The following ATG7 variants were observed in gnomAD, a reference collection of about 807,000 sequenced individuals.
The protein encoded by ATG7 is autophagy related 7, also known as ubiquitin-like modifier-activating enzyme ATG7.
A neutral mutation model predicts 82.4 loss-of-function variants in ATG7; 70 were observed. The observed-to-expected ratio is 0.85, with a 90% CI of 0.70 to 1.04. ATG7 has a LOEUF of 1.04. Among genes scored for constraint, ATG7 ranks in the 50% least tolerant of loss-of-function variants. The pLI, the probability that ATG7 is intolerant of heterozygous loss-of-function variation, is 0.00. For synonymous variants in ATG7, 287 were observed against 313.0 expected (o/e 0.92, Z 0.88); for missense variants, 792 against 864.3 (o/e 0.92, Z 1.05).
At chr3:11,561,571 C>T (rs917860294), downstream of ATG7, among the ~76,000 whole-genome samples, 1 of 152,204 alleles carries the variant, frequency 6.6e-6, no homozygotes, top group African/African-American at 2.4e-5. Flanking sequence ...GCATCTTGCC[C>T]CTGCCTCTGT....
chr3:11,575,234 G>A, the ATG7 span, among the ~76,000 whole-genome samples: 6 of 152,276 alleles, frequency 3.9e-5, no homozygotes, highest in African/African-American at 1.2e-4. Context: ...GAGGGAAGGC[G>A]GCCGCACTGA....
intron 20 of ATG7, among the ~76,000 whole-genome samples, chr3:11,514,812 G>T (rs2092212479): frequency 1.3e-5 from 2 of 151,452 alleles, no homozygotes; most frequent in Non-Finnish European, 2.9e-5. Context: ...AGGAGAAACT[G>T]CCAAGTTGCC....
intron 20 of ATG7, among the ~76,000 whole-genome samples, chr3:11,451,902 G>GACAC (rs750720833): frequency 2.4e-5 from 3 of 127,058 alleles, no homozygotes; most frequent in African/African-American, 8.9e-5. Context: ...CACACACACA[G>GACAC]ACACACACAC....
intron 20 of ATG7, among the ~76,000 whole-genome samples, chr3:11,502,241 TAC>T (rs1480437425): frequency 1.3e-5 from 2 of 151,836 alleles, no homozygotes; most frequent in African/African-American, 4.8e-5. Context: ...ATTATTATTA[TAC>T]TTTAAGTTTT....
At chr3:11,397,263 CTT>C (rs2079383532) in intron 19 of ATG7, among the ~76,000 whole-genome samples, 1 of 152,050 alleles carries the variant, frequency 6.6e-6, no homozygotes, top group East Asian at 1.9e-4. Context: ...TGAAAATAAA[CTT>C]AAATACCACA....
chr3:11,432,338 T>C (rs924772027), intron 20 of ATG7, among the ~76,000 whole-genome samples: 19 of 152,204 alleles, frequency 1.2e-4, no homozygotes, highest in Non-Finnish European at 2.5e-4. Context: ...AAAAAAATTT[T>C]AATGAGAAAT....
chr3:11,410,769 T>G (rs188787075), intron 19 of ATG7, among the ~76,000 whole-genome samples: 2 of 152,352 alleles, frequency 1.3e-5, no homozygotes, highest in Admixed American at 1.3e-4. Context: ...AATATTTCAT[T>G]GTATGTAGCA....
At chr3:11,391,745 T>C (rs2152872471) in intron 19 of ATG7, among the ~76,000 whole-genome samples, 1 of 152,234 alleles carries the variant, frequency 6.6e-6, no homozygotes, top group African/African-American at 2.4e-5. Context: ...TTGGCATCGT[T>C]TTATGGATGT....
chr3:11,450,880 A>G (rs2085051612), intron 20 of ATG7, among the ~76,000 whole-genome samples: 1 of 152,170 alleles, frequency 6.6e-6, no homozygotes, highest in South Asian at 2.1e-4. Flanking sequence ...AGTCTCTTCC[A>G]ATGAATGCCT....
chr3:11,289,863 T>G (rs1246064988), intron 3 of ATG7, among the ~76,000 whole-genome samples: 1 of 152,214 alleles, frequency 6.6e-6, no homozygotes, highest in East Asian at 1.9e-4. Context: ...CTGGGCCTTT[T>G]TTTTCTCTCT....
At chr3:11,565,641 C>T in the ATG7 span, among the ~76,000 whole-genome samples, 4 of 152,146 alleles carry the variant, frequency 2.6e-5, no homozygotes, top group Non-Finnish European at 5.9e-5. The surrounding 1 kb of genome is among the most constrained non-coding windows in gnomAD (Gnocchi z 4.1). Flanking sequence ...TGTAGGGAGC[C>T]GGCGCGCAGC....
At chr3:11,377,408 G>A (rs1359453745) in intron 18 of ATG7, among the ~76,000 whole-genome samples, 1 of 152,032 alleles carries the variant, frequency 6.6e-6, no homozygotes, top group Non-Finnish European at 1.5e-5. Flanking sequence ...TACCGTGCAC[G>A]GCATCTTCTT....
chr3:11,299,557 C>G (rs1328593386), intron 5 of ATG7, 141 bp downstream of exon 5: 10 of 778,216 alleles, frequency 1.3e-5, no homozygotes, highest in Non-Finnish European at 1.9e-5. Flanking sequence ...TCATGATTCT[C>G]TTATACCTCC....
At chr3:11,542,871 G>A (rs1213290237) in intron 20 of ATG7, among the ~76,000 whole-genome samples, 1 of 152,204 alleles carries the variant, frequency 6.6e-6, no homozygotes, top group Non-Finnish European at 1.5e-5. Flanking sequence ...CTGGGTCTAG[G>A]TTCTGAGGCA....
chr3:11,275,257 G>A (rs1941468556), intron 1 of ATG7, among the ~76,000 whole-genome samples: 1 of 152,024 alleles, frequency 6.6e-6, no homozygotes, highest in South Asian at 2.1e-4. Context: ...GATTAACCCT[G>A]ACCTCTGATT....
intron 20 of ATG7, among the ~76,000 whole-genome samples, chr3:11,466,316 C>T (rs1455199882): frequency 1.3e-5 from 2 of 152,196 alleles, no homozygotes; most frequent in African/African-American, 2.4e-5. Context: ...GGACCCCATA[C>T]GGGTAAGGTG....
the ATG7 span, among the ~76,000 whole-genome samples, chr3:11,563,955 G>A: frequency 6.6e-6 from 1 of 152,168 alleles, no homozygotes; most frequent in African/African-American, 2.4e-5. Flanking sequence ...TTGGAGGGAA[G>A]CCCCGGTGAG....
At chr3:11,451,665 A>G (rs2085144308) in intron 20 of ATG7, among the ~76,000 whole-genome samples, 1 of 152,138 alleles carries the variant, frequency 6.6e-6, no homozygotes, top group Non-Finnish European at 1.5e-5. Context: ...ACACTCAGCA[A>G]ACGTTTGTTG....
intron 18 of ATG7, among the ~76,000 whole-genome samples, chr3:11,373,900 A>G (rs2077207330): frequency 6.6e-6 from 1 of 152,058 alleles, no homozygotes; most frequent in South Asian, 2.1e-4. Flanking sequence ...TTTGTGTGGG[A>G]CCTATTTTCT....
Sources: allele counts gnomAD v4.1 joint callset (sites outside exome capture counted in the v4.1 genomes callset), GRCh38; gene constraint gnomAD v4.1.1; non-coding constraint Gnocchi (gnomAD v3.1); transcripts MANE v1.5; gene names NCBI Gene and HGNC (gene_info 2026-07-23, HGNC 2026-07-21).